Variants in SH3KBP1 observed in about 807,000 individuals in gnomAD.
SH3KBP1 encodes the protein SH3 domain-containing kinase-binding protein 1.
In SH3KBP1, 8 loss-of-function variants were observed where a neutral mutation model predicts 50.1. The ratio of observed to expected loss-of-function variants is 0.16; its 90% CI spans 0.09 to 0.29. SH3KBP1 has a LOEUF of 0.29. Ranked by LOEUF, SH3KBP1 falls within the 10% of genes least tolerant of loss-of-function variation. The pLI, the probability that SH3KBP1 is intolerant of heterozygous loss-of-function variation, is 1.00. For synonymous variants in SH3KBP1, 227 were observed against 218.6 expected, an observed-to-expected ratio of 1.04 and a Z score of -0.34; for missense variants, 377 against 535.2, an observed-to-expected ratio of 0.70 and a Z score of 2.92.
At chrX:19,717,793 C>T (rs2063949807) in intron 3 of SH3KBP1, among the ~76,000 whole-genome samples, 1 of 111,150 alleles carries the variant, frequency 9.0e-6, no homozygotes, top group South Asian at 3.8e-4. Context: ...AACGTATGGC[C>T]CCCTGTGAAT....
chrX:19,646,632 A>G (rs192524829), intron 6 of SH3KBP1, among the ~76,000 whole-genome samples: 6 of 112,660 alleles, frequency 5.3e-5, no homozygotes, highest in African/African-American at 1.9e-4. Flanking sequence ...CTGGCATGGT[A>G]GAATTTTTCT....
At position 19,574,679 on chromosome X, in the gene SH3KBP1, T is replaced by C. The variant is rs752237948; in HGVS notation, c.1299-5491A>G. On this transcript the variant is annotated intron_variant, in intron 12 of 17. Coordinates refer to ENST00000397821, the MANE Select transcript of SH3KBP1 (RefSeq NM_031892.3). ...AGGCCCCACCTCTTATTCTGTCACC[T>C]TGGGAGTGAGGATTTCGACACATCA... Among the ~76,000 whole-genome samples, 221 of 112,488 alleles carry C rather than the reference T, an allele frequency of 2.0e-3. 1 individual carries two copies. The highest frequency in any genetic ancestry group is 6.5e-3 in the African/African-American group (201 of 30,976).
chrX:19,826,925 T>C (rs1229061699), intron 2 of SH3KBP1, among the ~76,000 whole-genome samples: 1 of 111,945 alleles, frequency 8.9e-6, no homozygotes, highest in African/African-American at 3.3e-5. Flanking sequence ...TGAAAATCTC[T>C]ACTTTATGAC....
chrX:19,556,338 G>A (rs1474633507), intron 13 of SH3KBP1, among the ~76,000 whole-genome samples: 1 of 108,732 alleles, frequency 9.2e-6, no homozygotes, highest in Non-Finnish European at 1.9e-5. Flanking sequence ...TAAACCCACA[G>A]GGCCGCAGGT....
In SH3KBP1 at chrX:19,554,017, A is replaced by ATATATTAAAATATAATATAT. The variant is rs1435260305; in HGVS notation, c.1385-3954_1385-3935dup. On this transcript the variant is annotated intron_variant, in intron 13 of 17. Transcript: ENST00000397821. ...TATATATTAAAATATAATATATAAT[A>ATATATTAAAATATAATATAT]TATATTAAAATATAATATATAATAT... Among the ~76,000 whole-genome samples, 315 of 64,230 alleles carry ATATATTAAAATATAATATAT rather than the reference A, an allele frequency of 4.9e-3. 6 individuals carry two copies. Among genetic ancestry groups the ATATATTAAAATATAATATAT allele is most frequent in the African/African-American group, 0.028 (298 of 10,650 alleles). The allele number at this position is 64,230 out of a possible 115,157, so 55.8% of individuals were successfully genotyped here. A position where few individuals can be genotyped will look rare whatever the true frequency, so the allele number is the denominator to read the frequency against.
intron 2 of SH3KBP1, among the ~76,000 whole-genome samples, chrX:19,827,781 C>CT (rs138898288): frequency 0.019 from 693 of 36,208 alleles, 37 homozygotes; most frequent in African/African-American, 0.03. Flanking sequence ...GAAGTGCAGT[C>CT]TTTTTTTTTT....
chrX:19,858,438 T>C (rs1452331597), intron 1 of SH3KBP1, among the ~76,000 whole-genome samples: 1 of 110,652 alleles, frequency 9.0e-6, no homozygotes. Flanking sequence ...CTGGCCAACA[T>C]AGTGAGATCC....
In SH3KBP1 at chrX:19,549,983, G is replaced by T; in HGVS notation, c.1485C>A (p.Ser495=). ...KATGRRPPSQ[S]LTSSSLSSPD... is the part of the protein sequence containing the mutation. ...TTGAGGAGACACTTACAGATGTGAGGGACTGGGACGGAGGCCGCCTCCCTG... is the reference window on the plus strand; with the variant it reads ...TTGAGGAGACACTTACAGATGTGAGTGACTGGGACGGAGGCCGCCTCCCTG... The change falls in exon 14 of 18, where the codon TCC becomes TCA. Residue 495 remains serine (S), a synonymous_variant. Transcript: ENST00000397821. 1 of 1,191,444 alleles carries T rather than the reference G, an allele frequency of 8.4e-7. No individual in the cohort carries two copies. Among genetic ancestry groups the T allele is most frequent in the Middle Eastern group, 2.4e-4 (1 of 4,241 alleles).
intron 2 of SH3KBP1, among the ~76,000 whole-genome samples, chrX:19,776,018 G>A (rs758467496): frequency 2.7e-5 from 3 of 111,239 alleles, no homozygotes; most frequent in Admixed American, 9.6e-5. Flanking sequence ...CAGGGAGCTC[G>A]CCTGATATTT....
chrX:19,872,127 C>T (rs968736532), intron 1 of SH3KBP1, among the ~76,000 whole-genome samples: 3 of 107,826 alleles, frequency 2.8e-5, no homozygotes, highest in African/African-American at 1.0e-4. Flanking sequence ...TGACGCATGG[C>T]TGTAATCCCA....
intron 13 of SH3KBP1, among the ~76,000 whole-genome samples, chrX:19,558,919 A>G (rs779433697): frequency 6.3e-5 from 7 of 111,093 alleles, no homozygotes; most frequent in Non-Finnish European, 1.1e-4. Flanking sequence ...TCAACTCTCT[A>G]TTTTTCATTT....
intron 2 of SH3KBP1, among the ~76,000 whole-genome samples, chrX:19,791,318 A>G (rs2066521329): frequency 9.0e-6 from 1 of 111,399 alleles, no homozygotes; most frequent in African/African-American, 3.3e-5. Flanking sequence ...CATGTATCCT[A>G]TGGATAGACT....
chrX:19,764,558 C>A (rs1321886011), intron 2 of SH3KBP1, among the ~76,000 whole-genome samples: 3 of 111,134 alleles, frequency 2.7e-5, no homozygotes, highest in African/African-American at 9.8e-5. Flanking sequence ...AGCAGCCCCA[C>A]AATGACAGGG....
intron 3 of SH3KBP1, among the ~76,000 whole-genome samples, chrX:19,732,007 T>C (rs1569447229): frequency 8.9e-6 from 1 of 112,146 alleles, no homozygotes; most frequent in Admixed American, 9.4e-5. Context: ...ACTGTCATAG[T>C]TGAAAAACCA....
chrX:19,756,872 TAAAA>T (rs10707274), intron 2 of SH3KBP1, among the ~76,000 whole-genome samples: 9 of 85,595 alleles, frequency 1.1e-4, no homozygotes, highest in Admixed American at 1.3e-4. Context: ...GTTGCTAGGT[TAAAA>T]AAAAAAAAAA....
intron 3 of SH3KBP1, among the ~76,000 whole-genome samples, chrX:19,714,850 T>C (rs2063865825): frequency 8.9e-6 from 1 of 112,463 alleles, no homozygotes; most frequent in Non-Finnish European, 1.9e-5. Context: ...AGCATGTTAA[T>C]GTTACATTTC....
chrX:19,773,461 A>T (rs1453809680), intron 2 of SH3KBP1, among the ~76,000 whole-genome samples: 1 of 105,426 alleles, frequency 9.5e-6, no homozygotes, highest in Admixed American at 1.0e-4. Context: ...CAAGCAATTC[A>T]GTCTCTGTCT....
chrX:19,834,607 A>G lies in SH3KBP1; in HGVS notation c.162+1518T>C, dbSNP rs1373718917. ...TAATTTATTAATATGAATGAGTTACATTTTTATAATTAACCTGTAGATGAC... is the reference window on the plus strand; with the variant it reads ...TAATTTATTAATATGAATGAGTTACGTTTTTATAATTAACCTGTAGATGAC... On this transcript the variant is annotated intron_variant, in intron 2 of 17. Coordinates refer to ENST00000397821, the MANE Select transcript of SH3KBP1 (RefSeq NM_031892.3). Among the ~76,000 whole-genome samples the G allele has an allele frequency of 2.6e-4, 29 of 112,606 alleles. No individual in the cohort carries two copies. The Admixed American group carries it at 2.7e-3, about 11-fold the overall frequency.
chrX:19,592,336 T>C (rs1052399553), intron 10 of SH3KBP1, among the ~76,000 whole-genome samples, 189 bp from the exon 11 acceptor site: 7 of 111,824 alleles, frequency 6.3e-5, no homozygotes, highest in Non-Finnish European at 1.3e-4. Flanking sequence ...GCCTATGTCA[T>C]TAAGTTCACC....
Sources: gnomAD v4.1 joint callset for allele counts (sites outside exome capture counted in the v4.1 genomes callset) on GRCh38, gnomAD v4.1.1 for gene constraint, MANE v1.5 for transcripts, NCBI Gene and HGNC (gene_info 2026-07-23, HGNC 2026-07-21) for gene names.